The following IQCM variants were observed in gnomAD, a reference collection of about 807,000 sequenced individuals.
IQCM encodes IQ motif containing M, also known as IQ domain-containing protein M.
IQCM carries 45 observed loss-of-function variants against 57.6 expected under a neutral mutation model. The observed-to-expected ratio is 0.78, with a 90% CI of 0.62 to 1.00. The LOEUF is 1.00. Among genes scored for constraint, IQCM ranks in the 50% least tolerant of loss-of-function variants. The pLI is 0.00. For synonymous variants in IQCM, 148 were observed against 158.9 expected, an observed-to-expected ratio of 0.93 and a Z score of 0.51; for missense variants, 468 against 511.6, an observed-to-expected ratio of 0.91 and a Z score of 0.82.
At chr4:149,485,086 T>C (rs531398336) in intron 12 of IQCM, among the ~76,000 whole-genome samples, 5 of 152,110 alleles carry the variant, frequency 3.3e-5, no homozygotes, top group Non-Finnish European at 5.9e-5. Context: ...CCAGACATAT[T>C]GTAGCTCCAT....
At chr4:149,805,220 A>G (rs1773963057) in intron 2 of IQCM, among the ~76,000 whole-genome samples, 1 of 152,044 alleles carries the variant, frequency 6.6e-6, no homozygotes, top group African/African-American at 2.4e-5. Context: ...TAGTTTTTAA[A>G]TTTTATTCTA....
chr4:149,531,834 C>T (rs762483440), intron 12 of IQCM, among the ~76,000 whole-genome samples: 1 of 151,898 alleles, frequency 6.6e-6, no homozygotes, highest in Non-Finnish European at 1.5e-5. Flanking sequence ...AATATTTAAA[C>T]ATTTTCTGTG....
intron 7 of IQCM, among the ~76,000 whole-genome samples, chr4:149,640,910 A>G (rs1161293716): frequency 6.6e-6 from 1 of 152,194 alleles, no homozygotes; most frequent in African/African-American, 2.4e-5. Context: ...CCAGTGGATC[A>G]TCTAAGGTCA....
chr4:149,358,355 T>A (rs1729165069), intron 13 of IQCM, among the ~76,000 whole-genome samples: 1 of 152,212 alleles, frequency 6.6e-6, no homozygotes, highest in African/African-American at 2.4e-5. Context: ...CGATTTTAGA[T>A]CTTTCCTGCT....
At chr4:149,601,528 C>T (rs1171428212) in intron 8 of IQCM, among the ~76,000 whole-genome samples, 2 of 152,162 alleles carry the variant, frequency 1.3e-5, no homozygotes, top group Non-Finnish European at 2.9e-5. Context: ...TGGATAAGGA[C>T]GACCAACTGT....
rs1767565027 is a variant in IQCM, at chr4:149,742,640, A to G, written c.37+15T>C. On this transcript the variant is annotated intron_variant, in intron 3 of 13. Coordinates refer to ENST00000636793, the MANE Select transcript of IQCM (RefSeq NM_001363507.2). ...GTTATGACTTGTACTATGTTAGGTA[A>G]GCACAGATACTCACATTTTGCTTTT... 3 of 1,226,628 alleles carry G rather than the reference A, an allele frequency of 2.4e-6. No individual in the cohort carries two copies. The highest frequency in any genetic ancestry group is 3.2e-5 in the East Asian group (1 of 31,646). 76.0% of individuals were successfully genotyped at this position (1,226,628 alleles called of 1,614,324 possible). A position where few individuals can be genotyped will look rare whatever the true frequency, so the allele number is the denominator to read the frequency against.
chr4:149,688,874 G>C (rs901087035), intron 5 of IQCM, among the ~76,000 whole-genome samples: 1 of 151,984 alleles, frequency 6.6e-6, no homozygotes, highest in Non-Finnish European at 1.5e-5. Context: ...TTCAACAAAT[G>C]GTGCTGGGAT....
At chr4:149,496,025 G>C (rs1016219796) in intron 12 of IQCM, among the ~76,000 whole-genome samples, 2 of 152,096 alleles carry the variant, frequency 1.3e-5, no homozygotes, top group Non-Finnish European at 2.9e-5. Context: ...TCAGGTCAAT[G>C]ATATTCTGCA....
At chr4:149,507,932 C>A (rs565211548) in intron 12 of IQCM, among the ~76,000 whole-genome samples, 1 of 152,066 alleles carries the variant, frequency 6.6e-6, no homozygotes, top group East Asian at 2.0e-4. Context: ...CTGCTGTGTG[C>A]AGTCTAGGGA....
intron 5 of IQCM, among the ~76,000 whole-genome samples, chr4:149,705,433 T>G (rs1237686221): frequency 2.0e-5 from 3 of 151,474 alleles, no homozygotes; most frequent in African/African-American, 7.3e-5. Context: ...GCAATAGTTG[T>G]GGCATTATTT....
rs1370869105 is a variant in IQCM at position 149,682,206 on chromosome 4, T to G, written c.477A>C (p.Arg159Ser). 3 of 1,198,652 alleles carry G rather than the reference T, an allele frequency of 2.5e-6. No individual in the cohort carries two copies. The highest frequency in any genetic ancestry group is 3.1e-6 in the Non-Finnish European group (3 of 958,310). The allele number at this position is 1,198,652 out of a possible 1,614,324, so 74.3% of individuals were successfully genotyped here. The change falls in exon 7 of 14, where the codon AGA (arginine) becomes AGC (serine). Residue 159 changes from arginine (R) to serine (S), a missense_variant and splice_region_variant. Transcript: ENST00000636793. ...GATAGAGTAATTCCAACATTCTGTTTCTGAAACATTAAGTTGGATCTTTAA... is the reference window on the plus strand; with the variant it reads ...GATAGAGTAATTCCAACATTCTGTTGCTGAAACATTAAGTTGGATCTTTAA... ...TAKQQHFEESRNRMLELLYPF... is the reference protein window; with the variant it reads ...TAKQQHFEESSNRMLELLYPF...
At chr4:149,654,880 T>A (rs538398326) in intron 7 of IQCM, among the ~76,000 whole-genome samples, 49 of 152,192 alleles carry the variant, frequency 3.2e-4, no homozygotes, top group Non-Finnish European at 6.5e-4. Context: ...ATGCAAAACA[T>A]ATAACATAAT....
intron 12 of IQCM, among the ~76,000 whole-genome samples, chr4:149,544,950 A>C (rs776155004): frequency 5.3e-5 from 8 of 152,216 alleles, no homozygotes; most frequent in Non-Finnish European, 1.2e-4. Context: ...TTCTAGAAGA[A>C]AACAGGGGAA....
chr4:149,383,308 T>C (rs1321362531), intron 13 of IQCM, among the ~76,000 whole-genome samples: 2 of 152,130 alleles, frequency 1.3e-5, no homozygotes, highest in Admixed American at 6.5e-5. Context: ...TTAGGTAATA[T>C]CTAGTCATTA....
intron 7 of IQCM, among the ~76,000 whole-genome samples, chr4:149,622,444 G>A (rs1485222633): frequency 6.6e-5 from 10 of 150,932 alleles, no homozygotes; most frequent in Non-Finnish European, 2.9e-5. Flanking sequence ...CCAGGTTCAC[G>A]CCGTTCTCCT....
At chr4:149,550,535 G>C (rs918535561) in intron 11 of IQCM, among the ~76,000 whole-genome samples, 1 of 152,112 alleles carries the variant, frequency 6.6e-6, no homozygotes, top group African/African-American at 2.4e-5. Flanking sequence ...TTATGACTTT[G>C]AAACTGTATA....
At chr4:149,573,265 CA>C (rs1415470601) in intron 9 of IQCM, among the ~76,000 whole-genome samples, 1 of 151,006 alleles carries the variant, frequency 6.6e-6, no homozygotes, top group Non-Finnish European at 1.5e-5. Flanking sequence ...TAAAAGACCA[CA>C]AAAACATGCC....
chr4:149,464,295 G>A (rs72724099), intron 12 of IQCM, among the ~76,000 whole-genome samples: 32,969 of 152,052 alleles, frequency 0.22, 4,487 homozygotes, highest in Non-Finnish European at 0.29. Flanking sequence ...TTCTAGACTA[G>A]GTCCACTTAA....
At chr4:149,769,440 A>C (rs1005404079) in intron 2 of IQCM, among the ~76,000 whole-genome samples, 3 of 151,994 alleles carry the variant, frequency 2.0e-5, no homozygotes, top group Non-Finnish European at 4.4e-5. Context: ...CAGCATGTTA[A>C]TGGGGCACAC....
Sources: allele counts gnomAD v4.1 joint callset (sites outside exome capture counted in the v4.1 genomes callset), GRCh38; gene constraint gnomAD v4.1.1; transcripts MANE v1.5; gene names NCBI Gene and HGNC (gene_info 2026-07-23, HGNC 2026-07-21).